The following RFC3 variants were observed in gnomAD, a reference collection of about 807,000 sequenced individuals.
RFC3 encodes the protein A1 38 kDa subunit.
In RFC3, 41 loss-of-function variants were observed where a neutral mutation model predicts 45.1. The observed-to-expected ratio is 0.91, with a 90% confidence interval of 0.71 to 1.18. The LOEUF is 1.18. Among genes scored for constraint, RFC3 ranks in the 50% most tolerant of loss-of-function variants. The probability of loss-of-function intolerance (pLI) is 0.00; values close to 1 mark genes in which losing one functional copy is unlikely to be tolerated. For synonymous variants in RFC3, 149 were observed against 144.0 expected, an observed-to-expected ratio of 1.03 and a Z score of -0.25; for missense variants, 423 against 428.1, an observed-to-expected ratio of 0.99 and a Z score of 0.10.
intron 8 of RFC3, among the ~76,000 whole-genome samples, chr13:33,875,953 G>C (rs9528290): frequency 0.77 from 116,975 of 152,102 alleles, 47,425 homozygotes; most frequent in Non-Finnish European, 0.92. Context: ...AAAGTGTTTA[G>C]TATATTGCTG....
intron 8 of RFC3, among the ~76,000 whole-genome samples, chr13:33,964,976 A>T (rs2083078688): frequency 1.8e-5 from 1 of 54,946 alleles, no homozygotes; most frequent in Admixed American, 2.8e-4. Context: ...AAGCCAAGGG[A>T]TGCCACAGAA....
downstream of RFC3, among the ~76,000 whole-genome samples, chr13:33,967,068 G>A (rs1313781186): frequency 6.6e-6 from 1 of 151,784 alleles, no homozygotes; most frequent in Non-Finnish European, 1.5e-5. Flanking sequence ...GAGGTGGGAG[G>A]ATCACTAGAT....
chr13:33,832,992 T>C (rs925450991), intron 7 of RFC3, among the ~76,000 whole-genome samples: 1 of 152,204 alleles, frequency 6.6e-6, no homozygotes, highest in South Asian at 2.1e-4. Flanking sequence ...TTTTGACGGC[T>C]TATAAATGAA....
intron 4 of RFC3, chr13:33,829,585 C>A (rs2082082134): frequency 2.3e-6 from 1 of 443,626 alleles, no homozygotes; most frequent in East Asian, 4.4e-5. Flanking sequence ...CAGAGCTGTT[C>A]CTCTCTATAG....
chr13:33,893,350 AC>A (rs2082575516), intron 8 of RFC3, among the ~76,000 whole-genome samples: 2 of 152,338 alleles, frequency 1.3e-5, no homozygotes, highest in East Asian at 1.9e-4. Flanking sequence ...AAAGGAGGCA[AC>A]AACCTAGCAC....
rs146833366 is a variant in RFC3 at position 33,876,164 on chromosome 13, G to T, written c.879+40947G>T. On this transcript the variant is annotated intron_variant, in intron 8 of 8. Transcript: ENST00000434425. ...CTCCTACCACCATGCCTGGAGTAAA[G>T]GAAGTTTTGATCAATAGTTACCCAA... is the stretch of plus-strand genomic sequence containing the variant. 2.6e-5 allele frequency among the ~76,000 whole-genome samples: 4 copies of T among 152,188 alleles called. No individual in the cohort carries two copies. In the East Asian group the frequency reaches 7.7e-4, roughly 29 times the overall value.
chr13:33,884,689 A>G (rs959137259), intron 8 of RFC3, among the ~76,000 whole-genome samples: 10 of 152,214 alleles, frequency 6.6e-5, no homozygotes, highest in Admixed American at 1.3e-4. Context: ...GATCTTGAGC[A>G]CAGAGTCCAT....
intron 8 of RFC3, among the ~76,000 whole-genome samples, chr13:33,957,542 G>A (rs1168285336): frequency 2.0e-5 from 3 of 152,096 alleles, no homozygotes; most frequent in African/African-American, 7.2e-5. Context: ...CAGAGAAATG[G>A]GCGACATTTG....
At chr13:33,883,206 C>A (rs2082496710) in intron 8 of RFC3, among the ~76,000 whole-genome samples, 1 of 152,106 alleles carries the variant, frequency 6.6e-6, no homozygotes, top group Non-Finnish European at 1.5e-5. Context: ...CTTAAAATGA[C>A]CCTGCAAAAA....
intron 8 of RFC3, among the ~76,000 whole-genome samples, chr13:33,926,264 C>T (rs896796703): frequency 1.3e-5 from 2 of 150,380 alleles, no homozygotes; most frequent in Admixed American, 6.6e-5. Flanking sequence ...TGCTACATGA[C>T]GAGTTAGTGG....
At chr13:33,910,005 A>C (rs1029769021) in intron 8 of RFC3, among the ~76,000 whole-genome samples, 5 of 152,122 alleles carry the variant, frequency 3.3e-5, no homozygotes, top group African/African-American at 9.6e-5. Flanking sequence ...AATGATAATG[A>C]TGCTTATATA....
At chr13:33,968,661 T>A (rs1218161365), downstream of RFC3, among the ~76,000 whole-genome samples, 1 of 152,208 alleles carries the variant, frequency 6.6e-6, no homozygotes, top group East Asian at 1.9e-4. Flanking sequence ...TGTTCTCAAC[T>A]CCAAGAAATG....
At chr13:33,928,810 G>A (rs987540519) in intron 8 of RFC3, among the ~76,000 whole-genome samples, 2 of 150,908 alleles carry the variant, frequency 1.3e-5, no homozygotes, top group African/African-American at 2.5e-5. Context: ...CAAATACTGC[G>A]TTTGAATGAA....
chr13:33,894,712 G>T (rs574308656), intron 8 of RFC3, among the ~76,000 whole-genome samples: 18 of 152,248 alleles, frequency 1.2e-4, no homozygotes, highest in African/African-American at 4.1e-4. Flanking sequence ...CACTGCAGGT[G>T]TTCCTGGATA....
intron 8 of RFC3, among the ~76,000 whole-genome samples, chr13:33,888,371 C>T (rs956633474): frequency 6.6e-6 from 1 of 152,152 alleles, no homozygotes; most frequent in African/African-American, 2.4e-5. Context: ...GGAAGTCCTC[C>T]TAAACAGAGT....
chr13:33,856,211 T>G (rs1372345234), intron 8 of RFC3, among the ~76,000 whole-genome samples: 1 of 152,156 alleles, frequency 6.6e-6, no homozygotes, highest in African/African-American at 2.4e-5. Flanking sequence ...AGGAGGCCAT[T>G]TTCTTTAGCA....
At chr13:33,922,846 A>G (rs1430124249) in intron 8 of RFC3, among the ~76,000 whole-genome samples, 1 of 152,144 alleles carries the variant, frequency 6.6e-6, no homozygotes, top group East Asian at 1.9e-4. Flanking sequence ...TCTGGCCCAC[A>G]GTCTCTTCAT....
downstream of RFC3, among the ~76,000 whole-genome samples, chr13:33,969,640 G>C (rs2083101952): frequency 6.6e-6 from 1 of 152,172 alleles, no homozygotes; most frequent in Non-Finnish European, 1.5e-5. Flanking sequence ...TTAAGTAGAA[G>C]AGCACAATAG....
intron 8 of RFC3, among the ~76,000 whole-genome samples, chr13:33,925,632 ATATG>A: frequency 6.6e-6 from 1 of 151,240 alleles, no homozygotes; most frequent in South Asian, 2.1e-4. Context: ...ACATACATAT[ATATG>A]TATATGTATA....
Sources: gnomAD v4.1 joint callset for allele counts (sites outside exome capture counted in the v4.1 genomes callset) on GRCh38, gnomAD v4.1.1 for gene constraint, MANE v1.5 for transcripts, NCBI Gene and HGNC (gene_info 2026-07-23, HGNC 2026-07-21) for gene names.